The following RAD51B variants were observed in gnomAD, a reference collection of about 807,000 sequenced individuals.
RAD51B encodes the protein DNA repair protein RAD51 homolog 2.
Under a neutral mutation model 42.2 loss-of-function variants are expected in RAD51B, and 38 were observed. The observed-to-expected ratio is 0.90, with a 90% CI of 0.70 to 1.18. The LOEUF (loss-of-function observed/expected upper bound fraction) is 1.18, where lower values mean the gene tolerates loss of function less well. RAD51B is among the 50% of genes most tolerant of loss of function. The pLI is 0.00. For synonymous variants in RAD51B, 154 were observed against 145.2 expected (o/e 1.06, Z -0.43); for missense variants, 373 against 400.7 (o/e 0.93, Z 0.59).
At chr14:68,300,475 G>A (rs191101280) in intron 8 of RAD51B, among the ~76,000 whole-genome samples, 3 of 152,232 alleles carry the variant, frequency 2.0e-5, no homozygotes, top group Admixed American at 6.5e-5. Flanking sequence ...CTCCCAACAT[G>A]CTGGGATTAC....
At chr14:68,168,911 G>A (rs574644034) in intron 7 of RAD51B, among the ~76,000 whole-genome samples, 1 of 152,156 alleles carries the variant, frequency 6.6e-6, no homozygotes, top group East Asian at 1.9e-4. Flanking sequence ...GGCTTAGCAA[G>A]GCAGGTCATG....
chr14:68,204,234 G>C (rs1363855967), intron 7 of RAD51B, among the ~76,000 whole-genome samples: 1 of 152,150 alleles, frequency 6.6e-6, no homozygotes, highest in Admixed American at 6.5e-5. Flanking sequence ...AACACTTAGA[G>C]GCTATTGTAA....
At chr14:68,042,601 A>C (rs72725172) in intron 7 of RAD51B, among the ~76,000 whole-genome samples, 4 of 151,966 alleles carry the variant, frequency 2.6e-5, no homozygotes, top group Non-Finnish European at 4.4e-5. Context: ...TTTTGTACAC[A>C]CCCTTTCTCC....
chr14:67,901,775 A>G (rs536195029), intron 7 of RAD51B, among the ~76,000 whole-genome samples: 1 of 152,316 alleles, frequency 6.6e-6, no homozygotes, highest in East Asian at 1.9e-4. Context: ...AACATGGATC[A>G]AACTGGAGGC....
intron 8 of RAD51B, among the ~76,000 whole-genome samples, chr14:68,359,499 C>T (rs189560669): frequency 6.6e-6 from 1 of 152,096 alleles, no homozygotes; most frequent in Non-Finnish European, 1.5e-5. Flanking sequence ...CTTCTTGCTT[C>T]GAGGTAGTGA....
chr14:68,218,391 A>C (rs915300913), intron 7 of RAD51B, among the ~76,000 whole-genome samples: 3 of 152,226 alleles, frequency 2.0e-5, no homozygotes, highest in Non-Finnish European at 4.4e-5. Flanking sequence ...ACTTTTTGTA[A>C]ATATCATTGG....
chr14:68,024,070 G>A (rs182538130), intron 7 of RAD51B, among the ~76,000 whole-genome samples: 48 of 152,230 alleles, frequency 3.2e-4, no homozygotes, highest in Admixed American at 7.2e-4. Context: ...TATATGGCTA[G>A]CCAGCTATCC....
At chr14:68,191,328 G>A (rs984530507) in intron 7 of RAD51B, among the ~76,000 whole-genome samples, 2 of 152,112 alleles carry the variant, frequency 1.3e-5, no homozygotes, top group Non-Finnish European at 2.9e-5. Flanking sequence ...TTGAGCTTCT[G>A]TATAACAGAG....
At chr14:68,183,985 G>GT (rs975517756) in intron 7 of RAD51B, among the ~76,000 whole-genome samples, 1 of 3,932 alleles carries the variant, frequency 2.5e-4, no homozygotes, top group African/African-American at 1.1e-3. Context: ...CCAGCTACTC[G>GT]GGGGGGGTGA....
intron 9 of RAD51B, among the ~76,000 whole-genome samples, chr14:68,432,134 G>A (rs1280440383): frequency 3.9e-5 from 6 of 152,150 alleles, no homozygotes; most frequent in South Asian, 2.1e-4. Context: ...TATAATTTCT[G>A]TTCTTTTACA....
chr14:68,639,273 G>A (rs1385247359), intron 10 of RAD51B, among the ~76,000 whole-genome samples: 1 of 152,168 alleles, frequency 6.6e-6, no homozygotes, highest in Non-Finnish European at 1.5e-5. Flanking sequence ...CTTTGCTTCT[G>A]GAGTAATTCA....
chr14:67,836,483 G>A (rs1044165821), intron 4 of RAD51B, among the ~76,000 whole-genome samples: 5 of 143,578 alleles, frequency 3.5e-5, no homozygotes, highest in African/African-American at 1.1e-4. Flanking sequence ...AGGGAAATTA[G>A]CCTCTTTTTT....
chr14:68,480,744 G>A (rs143207028), downstream of RAD51B, among the ~76,000 whole-genome samples: 72 of 151,894 alleles, frequency 4.7e-4, no homozygotes, highest in African/African-American at 1.7e-3. Flanking sequence ...CCTTTCCCTC[G>A]CAGGGACTGC....
At chr14:68,056,362 T>C (rs554915788) in intron 7 of RAD51B, among the ~76,000 whole-genome samples, 3 of 152,126 alleles carry the variant, frequency 2.0e-5, no homozygotes, top group Non-Finnish European at 2.9e-5. Context: ...TTGGTCAGGC[T>C]GGTCTCTAAC....
chr14:68,277,180 CATA>C (rs1397705635), intron 7 of RAD51B, among the ~76,000 whole-genome samples: 1 of 152,192 alleles, frequency 6.6e-6, no homozygotes, highest in African/African-American at 2.4e-5. Flanking sequence ...GACCACTACT[CATA>C]AACCATAACC....
intron 10 of RAD51B, among the ~76,000 whole-genome samples, chr14:68,558,466 A>T (rs1342428260): frequency 6.6e-6 from 1 of 152,226 alleles, no homozygotes; most frequent in East Asian, 1.9e-4. Context: ...GTGTGATATC[A>T]AGGTTTCGGC....
chr14:67,840,156 G>A (rs1234352397), intron 4 of RAD51B, among the ~76,000 whole-genome samples: 2 of 152,138 alleles, frequency 1.3e-5, no homozygotes, highest in Non-Finnish European at 1.5e-5. Flanking sequence ...GGTTCAGGGG[G>A]TATATGTACA....
At chr14:68,416,529 G>A (rs1305138522) in intron 9 of RAD51B, among the ~76,000 whole-genome samples, 1 of 152,210 alleles carries the variant, frequency 6.6e-6, no homozygotes, top group Non-Finnish European at 1.5e-5. Context: ...GTAGCTACTC[G>A]TGAACCCAGT....
chr14:68,173,879 T>A lies in RAD51B; in HGVS notation c.757-118005T>A, dbSNP rs536957365. On this transcript the variant is annotated intron_variant, in intron 7 of 10. Transcript: ENST00000471583. ...TCCTATGTAGGTCATTATATTAACA[T>A]CTGTGGCCACATATTGGTCCATGAA... Among the ~76,000 whole-genome samples, 11 of 152,310 alleles carry A rather than the reference T, an allele frequency of 7.2e-5. No individual in the cohort carries two copies. In the South Asian group the frequency reaches 1.7e-3, roughly 23 times the overall value.
Sources: allele counts gnomAD v4.1 joint callset (sites outside exome capture counted in the v4.1 genomes callset), GRCh38; gene constraint gnomAD v4.1.1; transcripts MANE v1.5; gene names NCBI Gene and HGNC (gene_info 2026-07-23, HGNC 2026-07-21).